Variants in GPC6 observed in about 807,000 individuals in gnomAD.
The protein encoded by GPC6 is glypican 6, also known as glypican-6.
In GPC6, 14 loss-of-function variants were observed where a neutral mutation model predicts 55.2. That is an observed-to-expected ratio of 0.25 (90% CI 0.17 to 0.40). The LOEUF is 0.40. GPC6 is among the 10% of genes least tolerant of loss of function. The pLI, the probability that GPC6 is intolerant of heterozygous loss-of-function variation, is 1.00. For missense variants in GPC6, 641 were observed against 708.5 expected (o/e 0.90, Z 1.08); for synonymous variants, 278 against 259.6 (o/e 1.07, Z -0.68).
At chr13:93,447,109 C>T (rs1180605772) in intron 1 of GPC6, among the ~76,000 whole-genome samples, 1 of 152,086 alleles carries the variant, frequency 6.6e-6, no homozygotes, top group Non-Finnish European at 1.5e-5. Flanking sequence ...TGGCTGCAGA[C>T]TGCTTTGCTA....
chr13:94,073,618 T>C (rs114814060), intron 4 of GPC6, among the ~76,000 whole-genome samples: 64 of 152,242 alleles, frequency 4.2e-4, no homozygotes, highest in African/African-American at 1.4e-3. Flanking sequence ...GATAAAGGTG[T>C]CAGATTACAC....
intron 1 of GPC6, among the ~76,000 whole-genome samples, chr13:93,453,042 T>C (rs1456158828): frequency 6.6e-6 from 1 of 152,230 alleles, no homozygotes; most frequent in Non-Finnish European, 1.5e-5. Context: ...CTTTGAGTGA[T>C]TCTTAAATGA....
chr13:93,530,896 C>T (rs1193907662), intron 1 of GPC6, among the ~76,000 whole-genome samples: 1 of 152,062 alleles, frequency 6.6e-6, no homozygotes, highest in Non-Finnish European at 1.5e-5. Flanking sequence ...GTATTTATGT[C>T]ATGGAAATTG....
chr13:94,144,536 AGTGTGTGTGTATGT>A (rs1196118600), intron 4 of GPC6, among the ~76,000 whole-genome samples: 17 of 80,106 alleles, frequency 2.1e-4, no homozygotes, highest in Middle Eastern at 7.8e-3. Flanking sequence ...ATTCTTTGGG[AGTGTGTGTGTATGT>A]GTGTGTGTGT....
chr13:93,759,345 G>A lies in GPC6; in HGVS notation c.320-70809G>A, dbSNP rs553732843. On this transcript the variant is annotated intron_variant, in intron 2 of 8. Coordinates refer to ENST00000377047, the MANE Select transcript of GPC6 (RefSeq NM_005708.5). ...TGTGTTTTGAAGCAAAGTGACTAGA[G>A]AAGAGACCAGCACCTCACACTGATT... is the stretch of plus-strand genomic sequence containing the variant. Among the ~76,000 whole-genome samples, 3 of 152,290 alleles carry A rather than the reference G, an allele frequency of 2.0e-5. No homozygotes were observed. In the East Asian group the frequency reaches 5.8e-4, roughly 29 times the overall value.
Position 93,590,394 on chromosome 13 carries a change from AAG to A in GPC6, c.319+44976_319+44977del, listed in dbSNP as rs367877986. Among the ~76,000 whole-genome samples, 54 of 152,254 alleles carry A rather than the reference AAG, an allele frequency of 3.5e-4. 1 individual carries two copies. The highest frequency in any genetic ancestry group is 6.2e-4 in the South Asian group (3 of 4,828). On this transcript the variant is annotated intron_variant, in intron 2 of 8. Coordinates refer to ENST00000377047, the MANE Select transcript of GPC6 (RefSeq NM_005708.5). ...AATATGGTTCTCTTTTGCATGTAAA[AAG>A]AGTGTTGCTACAAAATCTTATATTT...
intron 3 of GPC6, among the ~76,000 whole-genome samples, chr13:93,960,118 G>A (rs1879699859): frequency 6.6e-6 from 1 of 152,146 alleles, no homozygotes; most frequent in African/African-American, 2.4e-5. Flanking sequence ...CGAGCAACAC[G>A]TCCTTCTTGC....
At chr13:93,371,017 A>G (rs9524026) in intron 1 of GPC6, among the ~76,000 whole-genome samples, 52,607 of 152,044 alleles carry the variant, frequency 0.35, 9,726 homozygotes, top group East Asian at 0.7. Context: ...GGAGAACGCT[A>G]CTGGAAAACA....
chr13:93,455,264 A>G (rs1281861492), intron 1 of GPC6, among the ~76,000 whole-genome samples: 2 of 152,156 alleles, frequency 1.3e-5, no homozygotes, highest in African/African-American at 4.8e-5. Context: ...AGGGCTCCTC[A>G]AGTGCCGCCA....
At chr13:93,496,128 T>TGCCTCCTTGCA (rs1027816386) in intron 1 of GPC6, among the ~76,000 whole-genome samples, 1 of 152,174 alleles carries the variant, frequency 6.6e-6, no homozygotes, top group Admixed American at 6.5e-5. Flanking sequence ...CCAGCCTTGC[T>TGCCTCCTTGCA]GCCTCCTTGC....
intron 3 of GPC6, among the ~76,000 whole-genome samples, chr13:93,944,200 T>C (rs1161391961): frequency 6.6e-6 from 1 of 150,474 alleles, no homozygotes; most frequent in South Asian, 2.1e-4. Context: ...ATTTATTTAT[T>C]TATTTATTTA....
chr13:93,479,615 C>CCG (rs57882005), intron 1 of GPC6, among the ~76,000 whole-genome samples: 3 of 151,598 alleles, frequency 2.0e-5, no homozygotes, highest in Non-Finnish European at 2.9e-5. Context: ...GAGACCCCCC[C>CCG]CCATCTCTAC....
intron 2 of GPC6, among the ~76,000 whole-genome samples, chr13:93,803,734 T>C (rs1449798512): frequency 6.6e-6 from 1 of 152,136 alleles, no homozygotes; most frequent in African/African-American, 2.4e-5. Context: ...AACCGTACAG[T>C]GGAATATTAT....
At chr13:93,366,091 A>G (rs1241930084) in intron 1 of GPC6, among the ~76,000 whole-genome samples, 1 of 152,080 alleles carries the variant, frequency 6.6e-6, no homozygotes, top group African/African-American at 2.4e-5. Context: ...CCTGATTTGT[A>G]TGCAGCAGAA....
intron 2 of GPC6, among the ~76,000 whole-genome samples, chr13:93,622,627 T>C (rs773646230): frequency 6.6e-6 from 1 of 152,160 alleles, no homozygotes; most frequent in Non-Finnish European, 1.5e-5. Context: ...TTTATTTTAT[T>C]TTAATTGACA....
intron 1 of GPC6, among the ~76,000 whole-genome samples, chr13:93,356,589 C>T (rs1880856698): frequency 6.6e-6 from 1 of 152,144 alleles, no homozygotes; most frequent in Admixed American, 6.5e-5. Context: ...TATTTTATGT[C>T]CAGTAAAAGT....
At chr13:93,880,862 AAAAAT>A (rs1460199744) in intron 3 of GPC6, among the ~76,000 whole-genome samples, 2 of 142,878 alleles carry the variant, frequency 1.4e-5, no homozygotes, top group Non-Finnish European at 3.0e-5. Flanking sequence ...AAATAAAAAT[AAAAAT>A]AAAATAGCCT....
intron 4 of GPC6, among the ~76,000 whole-genome samples, chr13:94,225,508 A>G (rs541348194): frequency 6.5e-4 from 99 of 152,226 alleles, no homozygotes; most frequent in African/African-American, 2.2e-3. Flanking sequence ...ACAAGTTAGT[A>G]CAAGTTTATT....
intron 2 of GPC6, among the ~76,000 whole-genome samples, chr13:93,583,410 C>G: frequency 8.8e-6 from 1 of 113,600 alleles, no homozygotes; most frequent in African/African-American, 2.9e-5. Context: ...ATTGAAGATA[C>G]CTCTTTTATT....
Sources: gnomAD v4.1 joint callset for allele counts (sites outside exome capture counted in the v4.1 genomes callset) on GRCh38, gnomAD v4.1.1 for gene constraint, MANE v1.5 for transcripts, NCBI Gene and HGNC (gene_info 2026-07-23, HGNC 2026-07-21) for gene names.